The following SPOPL variants were observed in gnomAD, a reference collection of about 807,000 sequenced individuals.
SPOPL encodes the protein speckle-type POZ protein-like.
In SPOPL, 23 loss-of-function variants were observed where a neutral mutation model predicts 53.8. The observed-to-expected ratio is 0.43, with a 90% CI of 0.31 to 0.61. SPOPL has a LOEUF of 0.61. SPOPL is among the 20% of genes least tolerant of loss of function. SPOPL has a pLI of 0.12. For synonymous variants in SPOPL, 164 were observed against 149.7 expected (o/e 1.10, Z -0.70); for missense variants, 442 against 466.9 (o/e 0.95, Z 0.49).
At chr2:138,502,635 C>T (rs1684130564) in intron 1 of SPOPL, among the ~76,000 whole-genome samples, 1 of 152,304 alleles carries the variant, frequency 6.6e-6, no homozygotes. Context: ...CCGCTCACTA[C>T]CTCCAGTCCG....
intron 1 of SPOPL, among the ~76,000 whole-genome samples, chr2:138,538,444 A>G (rs897811222): frequency 6.6e-6 from 1 of 152,186 alleles, no homozygotes; most frequent in African/African-American, 2.4e-5. Context: ...CCTTTTATCA[A>G]TAGATAATAT....
At chr2:138,567,372 AGTGTGTGTGTGTGT>A (rs57208490) in intron 10 of SPOPL, among the ~76,000 whole-genome samples, 14,216 of 112,986 alleles carry the variant, frequency 0.13, 1,026 homozygotes, top group East Asian at 0.26. Context: ...AGAGCAGTAT[AGTGTGTGTGTGTGT>A]GTGTGTGTGT....
At chr2:138,547,246 G>A (rs760108383) in intron 1 of SPOPL, among the ~76,000 whole-genome samples, 10 of 152,228 alleles carry the variant, frequency 6.6e-5, no homozygotes, top group Middle Eastern at 3.4e-3. Flanking sequence ...GATTACAGGC[G>A]TGAGCCACCG....
At chr2:138,568,858 G>A in intron 10 of SPOPL, 78 bp from the exon 11 acceptor site, 1 of 1,491,372 alleles carries the variant, frequency 6.7e-7, no homozygotes, top group Non-Finnish European at 9.1e-7. Context: ...AAATTTGCAA[G>A]TTTTTAAGAA....
intron 1 of SPOPL, among the ~76,000 whole-genome samples, chr2:138,528,989 A>T (rs143079332): frequency 6.6e-6 from 1 of 152,208 alleles, no homozygotes; most frequent in Non-Finnish European, 1.5e-5. Context: ...ATCTGTTCTC[A>T]TCGTTTTTAA....
chr2:138,555,585 T>A (rs1685406391), intron 5 of SPOPL, among the ~76,000 whole-genome samples: 1 of 152,200 alleles, frequency 6.6e-6, no homozygotes, highest in African/African-American at 2.4e-5. Context: ...TGGTGGGTGT[T>A]TGGCTAGTTG....
At chr2:138,529,815 T>G (rs930397026) in intron 1 of SPOPL, among the ~76,000 whole-genome samples, 1 of 152,182 alleles carries the variant, frequency 6.6e-6, no homozygotes, top group Non-Finnish European at 1.5e-5. Flanking sequence ...AATACATAAT[T>G]TTTTTAAACT....
chr2:138,557,210 G>T (rs1685445752), intron 5 of SPOPL, among the ~76,000 whole-genome samples: 1 of 152,050 alleles, frequency 6.6e-6, no homozygotes, highest in Non-Finnish European at 1.5e-5. Context: ...TTTGGTACAA[G>T]CCAGCACAGT....
At chr2:138,509,310 G>A (rs1198794074) in intron 1 of SPOPL, among the ~76,000 whole-genome samples, 2 of 151,828 alleles carry the variant, frequency 1.3e-5, no homozygotes, top group South Asian at 4.2e-4. Context: ...AAATATTTAG[G>A]GTTAACAATT....
intron 1 of SPOPL, among the ~76,000 whole-genome samples, chr2:138,522,209 G>C (rs1458461048): frequency 6.6e-6 from 1 of 152,156 alleles, no homozygotes; most frequent in Non-Finnish European, 1.5e-5. Context: ...GTAATCACTT[G>C]AGGGGGGATT....
rs1297175746 is a variant in SPOPL, at chr2:138,564,626, A to G, written c.838-82A>G. 3 of 1,480,060 alleles carry G rather than the reference A, an allele frequency of 2.0e-6. No homozygotes were observed. In the African/African-American group the frequency reaches 4.2e-5, roughly 21 times the overall value. The allele number at this position is 1,480,060 out of a possible 1,614,324, so 91.7% of individuals were successfully genotyped here. On this transcript the variant is annotated intron_variant, in intron 8 of 10. Transcript: ENST00000280098. ...TTAAATAATAATCTATTTTACCCTT[A>G]TTTTCCAAGTTGCAAATGTATCATG...
intron 1 of SPOPL, among the ~76,000 whole-genome samples, chr2:138,512,483 T>C (rs1684345368): frequency 6.6e-6 from 1 of 152,220 alleles, no homozygotes; most frequent in African/African-American, 2.4e-5. Flanking sequence ...AGTTAAAATA[T>C]ACTGCTTTTT....
chr2:138,547,049 T>C (rs557284978), intron 1 of SPOPL, among the ~76,000 whole-genome samples: 45 of 152,314 alleles, frequency 3.0e-4, no homozygotes, highest in African/African-American at 1.0e-3. Context: ...CACTGCAGCC[T>C]CCACCTCCCA....
chr2:138,551,143 T>G, intron 4 of SPOPL, 89 bp downstream of exon 4: 1 of 1,441,590 alleles, frequency 6.9e-7, no homozygotes, highest in East Asian at 2.3e-5. Flanking sequence ...AGTCTGGGAC[T>G]TTTTTCTGCT....
chr2:138,561,325 GT>G (rs1685543908), intron 8 of SPOPL, among the ~76,000 whole-genome samples: 2 of 151,974 alleles, frequency 1.3e-5, no homozygotes, highest in East Asian at 1.9e-4. Context: ...CATAGAGATT[GT>G]TTTTTTATTA....
chr2:138,529,486 G>GTA (rs1287962339), intron 1 of SPOPL, among the ~76,000 whole-genome samples: 1 of 146,710 alleles, frequency 6.8e-6, no homozygotes, highest in Non-Finnish European at 1.5e-5. Flanking sequence ...GTGTGTGTGT[G>GTA]TATGCATGTG....
At chr2:138,508,428 T>G (rs909465549) in intron 1 of SPOPL, among the ~76,000 whole-genome samples, 2 of 152,192 alleles carry the variant, frequency 1.3e-5, no homozygotes, top group African/African-American at 4.8e-5. Flanking sequence ...TGTCTCCTGG[T>G]TCAAACAATT....
At chr2:138,559,449 A>G in intron 7 of SPOPL, 112 bp downstream of exon 7, 2 of 1,166,116 alleles carry the variant, frequency 1.7e-6, no homozygotes, top group South Asian at 1.7e-5. Flanking sequence ...ATAAGCAGGG[A>G]AAATTTTTAC....
At chr2:138,536,461 G>T (rs763840174) in intron 1 of SPOPL, among the ~76,000 whole-genome samples, 2 of 152,226 alleles carry the variant, frequency 1.3e-5, no homozygotes, top group African/African-American at 4.8e-5. Context: ...CTTTCTTTTT[G>T]CCTGACTACT....
Sources: allele counts gnomAD v4.1 joint callset (sites outside exome capture counted in the v4.1 genomes callset), GRCh38; gene constraint gnomAD v4.1.1; transcripts MANE v1.5; gene names NCBI Gene and HGNC (gene_info 2026-07-23, HGNC 2026-07-21).